CDKL2: variants seen among roughly 807,000 people sequenced by gnomAD.
CDKL2 encodes the protein cyclin-dependent kinase-like 2.
Under a neutral mutation model 63.9 loss-of-function variants are expected in CDKL2, and 64 were observed. That is an observed-to-expected ratio of 1.00 (90% confidence interval 0.82 to 1.23). The LOEUF is 1.23. Ranked by LOEUF, CDKL2 falls within the 50% of genes most tolerant of loss-of-function variation. The pLI is 0.00. For missense variants in CDKL2, 656 were observed against 668.0 expected, an observed-to-expected ratio of 0.98 and a Z score of 0.20; for synonymous variants, 211 against 229.2, an observed-to-expected ratio of 0.92 and a Z score of 0.72.
chr4:75,592,827 A>T (rs574777339), intron 10 of CDKL2, among the ~76,000 whole-genome samples: 50 of 152,380 alleles, frequency 3.3e-4, no homozygotes, highest in African/African-American at 1.2e-3. Flanking sequence ...AGAAAGAATT[A>T]TAACTTCAAT....
chr4:75,624,612 A>C (rs986881373), intron 2 of CDKL2, among the ~76,000 whole-genome samples: 1 of 151,794 alleles, frequency 6.6e-6, no homozygotes, highest in Non-Finnish European at 1.5e-5. Flanking sequence ...GCACTTTGGG[A>C]GGCTGAGGTG....
At chr4:75,601,799 A>G (rs531303750) in intron 6 of CDKL2, among the ~76,000 whole-genome samples, 2 of 152,322 alleles carry the variant, frequency 1.3e-5, no homozygotes, top group Admixed American at 1.3e-4. Flanking sequence ...ATTATGTAAA[A>G]AACTGGAAAT....
At chr4:75,622,948 C>A (rs1730230666) in intron 2 of CDKL2, among the ~76,000 whole-genome samples, 1 of 151,758 alleles carries the variant, frequency 6.6e-6, no homozygotes, top group Admixed American at 6.6e-5. Flanking sequence ...AGAAGAAGGA[C>A]AAAACAGAAG....
chr4:75,589,982 CAAAA>C (rs769808423), intron 12 of CDKL2, among the ~76,000 whole-genome samples: 1 of 99,656 alleles, frequency 1.0e-5, no homozygotes. Context: ...ACCATGTGTC[CAAAA>C]AAAAAAAAAA....
intron 1 of CDKL2, among the ~76,000 whole-genome samples, chr4:75,629,805 G>A (rs1220782048): frequency 1.3e-5 from 2 of 151,824 alleles, no homozygotes; most frequent in Non-Finnish European, 2.9e-5. Flanking sequence ...CGGGCGTGGT[G>A]GTGATGCCTG....
chr4:75,601,314 T>C (rs1729181248), intron 6 of CDKL2, among the ~76,000 whole-genome samples: 4 of 152,168 alleles, frequency 2.6e-5, no homozygotes, highest in South Asian at 4.1e-4. Flanking sequence ...TGCTAGATGC[T>C]TTACAAAGAT....
chr4:75,612,001 C>T (rs753713304), intron 3 of CDKL2, among the ~76,000 whole-genome samples: 48 of 149,188 alleles, frequency 3.2e-4, no homozygotes, highest in Non-Finnish European at 5.8e-4. Context: ...GACAGAGTCT[C>T]GCCATGTTGC....
chr4:75,605,914 T>G (rs1353301474), intron 4 of CDKL2, among the ~76,000 whole-genome samples: 1 of 152,236 alleles, frequency 6.6e-6, no homozygotes, highest in Non-Finnish European at 1.5e-5. Context: ...AAATGATTTT[T>G]CCCTATTAAA....
At position 75,619,602 on chromosome 4, in the gene CDKL2, A is replaced by G. The variant is rs894418838; in HGVS notation, c.169-5153T>C. Among the ~76,000 whole-genome samples the G allele has an allele frequency of 7.6e-5, 11 of 144,264 alleles. No homozygotes were observed. The East Asian group carries it at 1.4e-3, about 18-fold the overall frequency. The allele number at this position is 144,264 out of a possible 152,430, so 94.6% of individuals were successfully genotyped here. A position where few individuals can be genotyped will look rare whatever the true frequency, so the allele number is the denominator to read the frequency against. On this transcript the variant is annotated intron_variant, in intron 2 of 13. Coordinates refer to ENST00000307465, the MANE Select transcript of CDKL2 (RefSeq NM_001330724.2). The stretch of plus-strand genomic sequence containing the variant: ...TAAAAAAAAAAAAAAAAAAAAAAAA[A>G]GCACACCAGAAGCTGGAAGAAAAGT...
At chr4:75,615,477 C>T (rs1267901054) in intron 2 of CDKL2, among the ~76,000 whole-genome samples, 1 of 152,114 alleles carries the variant, frequency 6.6e-6, no homozygotes, top group Non-Finnish European at 1.5e-5. Context: ...CTCTCAAAAT[C>T]CTCAAGAAAA....
chr4:75,602,436 C>G (rs1225165501), intron 6 of CDKL2, among the ~76,000 whole-genome samples: 1 of 151,920 alleles, frequency 6.6e-6, no homozygotes, highest in Admixed American at 6.6e-5. Flanking sequence ...CCTCGGCCGC[C>G]CAAACTGCTG....
intron 13 of CDKL2, among the ~76,000 whole-genome samples, chr4:75,580,732 G>A (rs1275128439): frequency 4.2e-4 from 58 of 138,422 alleles, no homozygotes; most frequent in African/African-American, 1.5e-3. Flanking sequence ...ACGGAGTCTC[G>A]CTCTGTCGCC....
At chr4:75,600,125 G>A (rs1729116219) in intron 7 of CDKL2, among the ~76,000 whole-genome samples, 156 bp downstream of exon 7, 1 of 152,180 alleles carries the variant, frequency 6.6e-6, no homozygotes, top group South Asian at 2.1e-4. Flanking sequence ...CCTAGGAACT[G>A]CATTATTGCT....
At chr4:75,617,415 C>G (rs1176040852) in intron 2 of CDKL2, among the ~76,000 whole-genome samples, 1 of 152,098 alleles carries the variant, frequency 6.6e-6, no homozygotes, top group African/African-American at 2.4e-5. Flanking sequence ...TGCTTTATAG[C>G]TGAAGCAACT....
rs1728935411 is a variant in CDKL2 at position 75,596,360 on chromosome 4, T to A, written c.1323-20A>T. The A allele has an allele frequency of 2.0e-6, 3 of 1,470,342 alleles. No individual in the cohort carries two copies. The highest frequency in any genetic ancestry group is 2.8e-5 in the African/African-American group (2 of 71,936). The allele number at this position is 1,470,342 out of a possible 1,614,324, so 91.1% of individuals were successfully genotyped here. A position where few individuals can be genotyped will look rare whatever the true frequency, so the allele number is the denominator to read the frequency against. On this transcript the variant is annotated intron_variant, in intron 9 of 13. Transcript: ENST00000307465. Reference sequence around the variant, plus strand: ...TCCACTCTGTAACGACAAAAAAAAATGTTTTTAAGTTAGAACCAGCAATAA... The same window carrying A: ...TCCACTCTGTAACGACAAAAAAAAAAGTTTTTAAGTTAGAACCAGCAATAA...
intron 3 of CDKL2, among the ~76,000 whole-genome samples, chr4:75,610,287 A>G (rs1181626753): frequency 6.6e-6 from 1 of 152,148 alleles, no homozygotes; most frequent in African/African-American, 2.4e-5. Context: ...CAGTACAGCC[A>G]TAGACAACTC....
chr4:75,577,538 C>T lies in CDKL2; in HGVS notation c.*1664G>A, dbSNP rs1871114. Among the ~76,000 whole-genome samples, 61,177 of 152,044 alleles carry T rather than the reference C, an allele frequency of 0.4. 13,081 individuals carry two copies. Among genetic ancestry groups the T allele is most frequent in the African/African-American group, 0.51 (21,229 of 41,484 alleles). On this transcript the variant is annotated 3_prime_UTR_variant, in exon 14 of 14. Coordinates refer to ENST00000307465, the MANE Select transcript of CDKL2 (RefSeq NM_001330724.2). ...GAACCTCAACCATTGAGCTGATATT[C>T]TCACACTGATCTTTACATAAAAATA... is the stretch of plus-strand genomic sequence containing the variant.
intron 10 of CDKL2, 116 bp from the exon 11 acceptor site, chr4:75,592,385 T>C (rs1697292889): frequency 8.6e-6 from 7 of 817,510 alleles, no homozygotes; most frequent in Non-Finnish European, 1.0e-5. Context: ...AGGTCTATAA[T>C]AAAAAATTTG....
rs1000643761 is a variant in CDKL2 at position 75,598,149 on chromosome 4, T to C, written c.948A>G (p.Lys316=). Residue 316 remains lysine (K), a synonymous_variant, in exon 8 of 14, where the codon AAA becomes AAG. Transcript: ENST00000307465. The part of the protein sequence containing the change: ...KDARNVSLSK[K]SQNRKKEKEK... ...CTTTTTCCTTCTTTCTGTTTTGGGA[T>C]TTTTTAGATAAAGAAACATTTCTGG... 21 of 1,548,556 alleles carry C rather than the reference T, an allele frequency of 1.4e-5. No individual in the cohort carries two copies. The highest frequency in any genetic ancestry group is 1.9e-5 in the Non-Finnish European group (21 of 1,134,280).
Sources: allele counts gnomAD v4.1 joint callset (sites outside exome capture counted in the v4.1 genomes callset), GRCh38; gene constraint gnomAD v4.1.1; transcripts MANE v1.5; gene names NCBI Gene and HGNC (gene_info 2026-07-23, HGNC 2026-07-21).